RXRA: variants seen among roughly 807,000 people sequenced by gnomAD.
The protein encoded by RXRA is retinoid X receptor alpha, also known as retinoic acid receptor RXR-alpha.
Under a neutral mutation model 44.5 loss-of-function variants are expected in RXRA, and 5 were observed. That is an observed-to-expected ratio of 0.11 (90% CI 0.06 to 0.24). The LOEUF (loss-of-function observed/expected upper bound fraction) is 0.24. Among genes scored for constraint, RXRA ranks in the 10% least tolerant of loss-of-function variants. The pLI is 1.00. For synonymous variants in RXRA, 291 were observed against 271.4 expected, an observed-to-expected ratio of 1.07 and a Z score of -0.71; for missense variants, 412 against 646.5, an observed-to-expected ratio of 0.64 and a Z score of 3.93.
intron 1 of RXRA, among the ~76,000 whole-genome samples, chr9:134,327,382 T>C (rs1554746175): frequency 2.0e-5 from 3 of 152,024 alleles, no homozygotes; most frequent in South Asian, 4.1e-4. Context: ...GCCCGGTAGC[T>C]TCCTATCCCA....
rs1398342796 is a variant in RXRA, at chr9:134,407,511, C to CCCGGGCGGCAGCGTGCGGG, written c.280-633_280-615dup. On this transcript the variant is annotated intron_variant, in intron 2 of 9. Coordinates refer to ENST00000481739, the MANE Select transcript of RXRA (RefSeq NM_002957.6). This position sits in a 1 kb window ranked among gnomAD's most constrained non-coding sequence, Gnocchi z 4.8. ...TGACCGGGTGAGTTTCCCACGCTTG[C>CCCGGGCGGCAGCGTGCGGG]CCGGGCGGCAGCGTGCGGGCCGGCG... Among the ~76,000 whole-genome samples the CCCGGGCGGCAGCGTGCGGG allele has an allele frequency of 6.6e-5, 10 of 152,230 alleles. No homozygotes were observed. Among genetic ancestry groups the CCCGGGCGGCAGCGTGCGGG allele is most frequent in the African/African-American group, 2.4e-4 (10 of 41,458 alleles).
At chr9:134,326,710 C>G (rs1588242432) in intron 1 of RXRA, 51 bp downstream of exon 1, 4 of 385,060 alleles carry the variant, frequency 1.0e-5, no homozygotes, top group Non-Finnish European at 1.4e-5. Flanking sequence ...CGGGGGCCGG[C>G]GGGCGGGAGG....
chr9:134,424,793 A>G, intron 6 of RXRA: 1 of 985,440 alleles, frequency 1.0e-6, no homozygotes. Context: ...GTCCCCCTCC[A>G]GGGGGCTCAG....
chr9:134,428,966 A>G, intron 6 of RXRA, 142 bp from the exon 7 acceptor site: 2 of 984,620 alleles, frequency 2.0e-6, no homozygotes, highest in Non-Finnish European at 3.0e-6. Context: ...TTTCTGTGGA[A>G]CACTTCATGG....
Position 134,401,706 on chromosome 9 carries a change from C to A in RXRA, c.103C>A (p.Pro35Thr), listed in dbSNP as rs1267854427. ...CTCCATGGCTGCCCCCTCGCTGCAC[C>A]CGTCCCTGGGGCCTGGCATCGGCTC... ...RGSMAAPSLH[P>T]SLGPGIGSPG... The change falls in exon 2 of 10, where the codon CCG (proline) becomes ACG (threonine). Residue 35 changes from proline (P) to threonine (T), a missense_variant. Pro to Thr is a conservative substitution (Grantham distance 38). This residue lies in a region of RXRA where 156 missense variants were observed against 177.2 expected (regional missense o/e 0.88). Transcript: ENST00000481739. 2 of 1,613,150 alleles carry A rather than the reference C, an allele frequency of 1.2e-6. No homozygotes were observed. Among genetic ancestry groups the A allele is most frequent in the Admixed American group, 3.3e-5 (2 of 60,026 alleles).
chr9:134,424,924 G>A (rs1588305587), intron 6 of RXRA: 1 of 985,466 alleles, frequency 1.0e-6, no homozygotes, highest in South Asian at 4.7e-5. Flanking sequence ...CAGGGCCACT[G>A]AGTGCTCCCC....
intron 4 of RXRA, among the ~76,000 whole-genome samples, chr9:134,413,773 C>G (rs1011766659): frequency 6.6e-6 from 1 of 152,140 alleles, no homozygotes; most frequent in Non-Finnish European, 1.5e-5. Flanking sequence ...TCCTTTGCTT[C>G]TGAGGGGCTG....
At chr9:134,389,866 G>A (rs190731931) in intron 1 of RXRA, among the ~76,000 whole-genome samples, 268 of 152,292 alleles carry the variant, frequency 1.8e-3, no homozygotes, top group African/African-American at 6.2e-3. Context: ...GTTACCGTGC[G>A]TGCTAGCTGC....
chr9:134,331,199 G>A (rs1834999671), intron 1 of RXRA, among the ~76,000 whole-genome samples: 1 of 152,200 alleles, frequency 6.6e-6, no homozygotes, highest in Non-Finnish European at 1.5e-5. Context: ...CAGGTGGGGC[G>A]AGGGACCGCG....
intron 2 of RXRA, chr9:134,406,540 G>GATCC (rs1831053223): frequency 6.6e-6 from 1 of 152,238 alleles, no homozygotes; most frequent in African/African-American, 2.4e-5. Flanking sequence ...CGGAGCCAGG[G>GATCC]ATCCGCCTCT....
chr9:134,363,999 T>C (rs555464808), intron 1 of RXRA, among the ~76,000 whole-genome samples: 15 of 152,230 alleles, frequency 9.9e-5, no homozygotes, highest in African/African-American at 3.6e-4. Context: ...GTGCCGGGCT[T>C]CTCCTCTCCC....
intron 1 of RXRA, among the ~76,000 whole-genome samples, chr9:134,360,373 G>A (rs972798642): frequency 2.0e-5 from 3 of 152,216 alleles, no homozygotes; most frequent in Admixed American, 6.5e-5. Flanking sequence ...AGCCTGCCGT[G>A]CCCAGGCCTG....
chr9:134,424,141 G>A (rs1330627328), intron 6 of RXRA: 1 of 985,278 alleles, frequency 1.0e-6, no homozygotes, highest in African/African-American at 1.7e-5. Flanking sequence ...GGAGTGCAGT[G>A]CTGAGGTTAG....
At chr9:134,424,540 C>A (rs959988620) in intron 6 of RXRA, 2 of 985,272 alleles carry the variant, frequency 2.0e-6, no homozygotes, top group Admixed American at 6.1e-5. Context: ...TACCCACGAG[C>A]AGCTGACCTT....
In RXRA at chr9:134,419,885, C is replaced by T. The variant is rs374428419; in HGVS notation, c.781-1791C>T. ...TGTGCCTCCTCCTCCGCTCCGGCCT[C>T]CTGGCTCTCCAGCCTGCCACATTCT... On this transcript the variant is annotated intron_variant, in intron 5 of 9. Transcript: ENST00000481739. 5.9e-5 allele frequency among the ~76,000 whole-genome samples: 9 copies of T among 152,330 alleles called. No individual in the cohort carries two copies. The East Asian group carries it at 1.5e-3, about 26-fold the overall frequency.
At chr9:134,431,161 C>G (rs1831526032) in intron 7 of RXRA, among the ~76,000 whole-genome samples, 1 of 152,252 alleles carries the variant, frequency 6.6e-6, no homozygotes, top group Non-Finnish European at 1.5e-5. Context: ...GTGGCCCACC[C>G]TTACTTCCTG....
intron 6 of RXRA, chr9:134,422,373 C>CA: frequency 7.8e-7 from 1 of 1,275,378 alleles, no homozygotes; most frequent in Non-Finnish European, 1.0e-6. Flanking sequence ...GCTACCGGGA[C>CA]ACTCCCCCCT....
intron 1 of RXRA, among the ~76,000 whole-genome samples, chr9:134,356,982 A>T (rs900617052): frequency 1.1e-4 from 17 of 152,004 alleles, no homozygotes; most frequent in African/African-American, 4.1e-4. Flanking sequence ...AGTGCTGGGC[A>T]CCCCCAGGAA....
intron 1 of RXRA, among the ~76,000 whole-genome samples, chr9:134,340,515 T>C (rs545700752): frequency 6.6e-6 from 1 of 152,244 alleles, no homozygotes; most frequent in East Asian, 1.9e-4. Flanking sequence ...TAAGTGGGGC[T>C]CACGTGGCAC....
Sources: gnomAD v4.1 joint callset for allele counts (sites outside exome capture counted in the v4.1 genomes callset) on GRCh38, gnomAD v4.1.1 for gene constraint, gnomAD v4.1.1 regional missense constraint, Gnocchi (gnomAD v3.1) non-coding constraint, MANE v1.5 for transcripts, NCBI Gene and HGNC (gene_info 2026-07-23, HGNC 2026-07-21) for gene names.